Variants in NOX4 observed in about 807,000 individuals in gnomAD.
NOX4 encodes the protein NADPH oxidase 4.
NOX4 carries 69 observed loss-of-function variants against 87.6 expected under a neutral mutation model. That is an observed-to-expected ratio of 0.79 (90% CI 0.65 to 0.96). The LOEUF is 0.96. NOX4 is among the 40% of genes least tolerant of loss of function. The pLI, the probability that NOX4 is intolerant of heterozygous loss-of-function variation, is 0.00. For synonymous variants in NOX4, 275 were observed against 238.2 expected (o/e 1.15, Z -1.42); for missense variants, 680 against 681.5 (o/e 1.00, Z 0.02).
At chr11:89,534,175 T>A in the NOX4 span, 1 of 152,252 alleles carries the variant, frequency 6.6e-6, no homozygotes, top group Non-Finnish European at 1.5e-5. Flanking sequence ...TTCTGAAGAA[T>A]GGCTTTTGTT....
chr11:89,585,227 AG>A, the NOX4 span, among the ~76,000 whole-genome samples: 3 of 152,082 alleles, frequency 2.0e-5, no homozygotes, highest in Non-Finnish European at 1.5e-5. Flanking sequence ...ACCACCTTCT[AG>A]GAGCCACTCT....
At chr11:89,436,641 A>G (rs1185132866) in intron 6 of NOX4, among the ~76,000 whole-genome samples, 2 of 152,130 alleles carry the variant, frequency 1.3e-5, no homozygotes, top group African/African-American at 4.8e-5. Context: ...ATCCATACCC[A>G]GATGTGGTCA....
At chr11:89,499,755 C>A (rs1443971645), upstream of NOX4, among the ~76,000 whole-genome samples, 1 of 152,186 alleles carries the variant, frequency 6.6e-6, no homozygotes, top group Admixed American at 6.6e-5. Flanking sequence ...GGGAATCAGA[C>A]AACTGCCAGT....
At chr11:89,388,019 T>C (rs1258055916) in intron 11 of NOX4, among the ~76,000 whole-genome samples, 3 of 152,216 alleles carry the variant, frequency 2.0e-5, no homozygotes, top group Non-Finnish European at 2.9e-5. Context: ...TTTTGATTAC[T>C]TTGGTCACTT....
chr11:89,559,981 A>G, the NOX4 span, among the ~76,000 whole-genome samples: 1 of 152,146 alleles, frequency 6.6e-6, no homozygotes, highest in Non-Finnish European at 1.5e-5. Context: ...TTGAAGTCCT[A>G]TACCCTGGCA....
chr11:89,448,650 G>A (rs995592482), intron 4 of NOX4, among the ~76,000 whole-genome samples: 2 of 152,138 alleles, frequency 1.3e-5, no homozygotes, highest in Non-Finnish European at 2.9e-5. Context: ...GGGAGGCTGA[G>A]GCAAGCAAAT....
the NOX4 span, among the ~76,000 whole-genome samples, chr11:89,588,136 T>A: frequency 6.6e-6 from 1 of 152,186 alleles, no homozygotes; most frequent in African/African-American, 2.4e-5. Flanking sequence ...TTAATGAAAA[T>A]TATCCCAGTT....
chr11:89,436,547 A>T (rs778980897), intron 6 of NOX4, among the ~76,000 whole-genome samples: 5 of 152,160 alleles, frequency 3.3e-5, no homozygotes, highest in Admixed American at 6.6e-5. Context: ...ATATTTATGC[A>T]TATTAAATTT....
intron 7 of NOX4, among the ~76,000 whole-genome samples, chr11:89,430,972 A>G (rs1240272939): frequency 6.6e-6 from 1 of 152,224 alleles, no homozygotes; most frequent in Non-Finnish European, 1.5e-5. Context: ...AGGCTGCAGT[A>G]ACCAAAGCAG....
At chr11:89,414,537 T>C (rs1848282217) in intron 8 of NOX4, among the ~76,000 whole-genome samples, 1 of 150,964 alleles carries the variant, frequency 6.6e-6, no homozygotes, top group African/African-American at 2.4e-5. Context: ...TTTTATCTGC[T>C]CCAGTCTAAA....
At chr11:89,467,961 G>A (rs1387582175) in intron 2 of NOX4, among the ~76,000 whole-genome samples, 1 of 152,146 alleles carries the variant, frequency 6.6e-6, no homozygotes, top group Non-Finnish European at 1.5e-5. Flanking sequence ...AGTTAATTAT[G>A]TGTGTTACAT....
the NOX4 span, among the ~76,000 whole-genome samples, chr11:89,504,418 T>C: frequency 2.0e-5 from 3 of 151,910 alleles, no homozygotes; most frequent in Admixed American, 1.3e-4. Flanking sequence ...TCAGTTTTCT[T>C]TTAAAAACAT....
At chr11:89,575,374 A>G in the NOX4 span, among the ~76,000 whole-genome samples, 5 of 152,336 alleles carry the variant, frequency 3.3e-5, no homozygotes, top group East Asian at 9.6e-4. Context: ...AATCTGTTTT[A>G]TAAGAAACAG....
intron 7 of NOX4, among the ~76,000 whole-genome samples, chr11:89,431,655 C>G (rs1943790121): frequency 6.6e-6 from 1 of 152,110 alleles, no homozygotes; most frequent in Non-Finnish European, 1.5e-5. Context: ...AATGAGATAC[C>G]ATTTCACACC....
At chr11:89,364,938 C>T (rs963419077) in intron 12 of NOX4, among the ~76,000 whole-genome samples, 1 of 152,020 alleles carries the variant, frequency 6.6e-6, no homozygotes, top group Non-Finnish European at 1.5e-5. Context: ...GGCAAAGATA[C>T]TTAAAGAAAA....
At chr11:89,487,187 C>T (rs1005821488) in intron 2 of NOX4, among the ~76,000 whole-genome samples, 2 of 152,002 alleles carry the variant, frequency 1.3e-5, no homozygotes, top group East Asian at 1.9e-4. Flanking sequence ...TGACACTGAC[C>T]ATTAAAAGGT....
the NOX4 span, among the ~76,000 whole-genome samples, chr11:89,587,977 A>G: frequency 1.5e-3 from 228 of 152,268 alleles, no homozygotes; most frequent in African/African-American, 5.2e-3. Context: ...TCTGGGGGAA[A>G]AAATCCCAAT....
chr11:89,518,184 G>A, the NOX4 span, among the ~76,000 whole-genome samples: 2 of 151,938 alleles, frequency 1.3e-5, no homozygotes, highest in East Asian at 3.9e-4. Context: ...GTAAAGAATA[G>A]AAATAAAAAG....
intron 7 of NOX4, among the ~76,000 whole-genome samples, chr11:89,430,557 A>G (rs1943722317): frequency 6.6e-6 from 1 of 152,184 alleles, no homozygotes; most frequent in Admixed American, 6.6e-5. Flanking sequence ...TTATACACCA[A>G]TAACAGACAA....
Sources: gnomAD v4.1 joint callset for allele counts (sites outside exome capture counted in the v4.1 genomes callset) on GRCh38, gnomAD v4.1.1 for gene constraint, MANE v1.5 for transcripts, NCBI Gene and HGNC (gene_info 2026-07-23, HGNC 2026-07-21) for gene names.